Variants in RNMT observed in about 807,000 individuals in gnomAD.
RNMT encodes the protein RNA guanine-7 methyltransferase, also known as mRNA cap guanine-N(7) methyltransferase.
In RNMT, 27 loss-of-function variants were observed where a neutral mutation model predicts 56.0. The observed-to-expected ratio is 0.48, with a 90% CI of 0.36 to 0.67. The LOEUF (loss-of-function observed/expected upper bound fraction) is 0.67, where lower values mean the gene tolerates loss of function less well. Among genes scored for constraint, RNMT ranks in the 30% least tolerant of loss-of-function variants. The pLI is 0.00. For synonymous variants in RNMT, 184 were observed against 176.2 expected (o/e 1.04, Z -0.35); for missense variants, 519 against 552.1 (o/e 0.94, Z 0.60).
At chr18:13,742,813 A>C (rs757961558) in intron 8 of RNMT, 161 bp downstream of exon 8, 6 of 549,766 alleles carry the variant, frequency 1.1e-5, no homozygotes, top group Non-Finnish European at 1.8e-5. Flanking sequence ...AAAACAAAAC[A>C]AGACTAGCTT....
intron 1 of RNMT, among the ~76,000 whole-genome samples, chr18:13,727,947 T>C (rs2043990663): frequency 6.6e-6 from 1 of 152,372 alleles, no homozygotes; most frequent in Non-Finnish European, 1.5e-5. Flanking sequence ...ATGACTAATA[T>C]TCCATTGTGT....
intron 3 of RNMT, among the ~76,000 whole-genome samples, chr18:13,732,578 G>A (rs2149083132): frequency 6.6e-6 from 1 of 152,232 alleles, no homozygotes; most frequent in South Asian, 2.1e-4. Context: ...TCATCTGGAA[G>A]TACCACATTA....
chr18:13,743,310 G>A (rs1380747777), intron 8 of RNMT, among the ~76,000 whole-genome samples: 22 of 119,532 alleles, frequency 1.8e-4, no homozygotes, highest in African/African-American at 6.6e-4. Context: ...GCGACAGAGC[G>A]AAACTCCGTC....
At chr18:13,742,965 G>T in intron 8 of RNMT, 1 of 175,934 alleles carries the variant, frequency 5.7e-6, no homozygotes, top group Non-Finnish European at 1.2e-5. Flanking sequence ...ACTGCAAATA[G>T]CAAAAGTTTT....
In RNMT at chr18:13,741,745, A is replaced by G. The variant is rs1314585800; in HGVS notation, c.974+54A>G. On this transcript the variant is annotated intron_variant, in intron 7 of 11. Coordinates refer to ENST00000383314, the MANE Select transcript of RNMT (RefSeq NM_003799.3). ...ATAAAATATTCAGTATTAAGTAGCA[A>G]ATGTTTATCAGAGGTAGATTTTATT... 9.7e-6 allele frequency: 11 copies of G among 1,128,250 alleles called. No homozygotes were observed. In the East Asian group the frequency reaches 2.0e-4, roughly 21 times the overall value. 69.9% of individuals were successfully genotyped at this position (1,128,250 alleles called of 1,614,324 possible).
At chr18:13,739,273 C>T (rs77084332) in intron 5 of RNMT, among the ~76,000 whole-genome samples, 7 of 152,150 alleles carry the variant, frequency 4.6e-5, no homozygotes, top group Non-Finnish European at 7.4e-5. Context: ...CATCACACAA[C>T]ATTTTAAAAA....
At chr18:13,740,818 T>C (rs1043389043) in intron 6 of RNMT, among the ~76,000 whole-genome samples, 2 of 152,268 alleles carry the variant, frequency 1.3e-5, no homozygotes, top group African/African-American at 4.8e-5. Flanking sequence ...GAATTGAAAT[T>C]AGCTGTTGCT....
At position 13,761,538 on chromosome 18, in the gene RNMT, T is replaced by G; in HGVS notation, c.*1559T>G. Reference sequence around the variant, plus strand: ...CAGGTAATAATAATACATGTACTTTTAGCCTGAAACCTCTTCCACGCCATG... The same window carrying G: ...CAGGTAATAATAATACATGTACTTTGAGCCTGAAACCTCTTCCACGCCATG... On this transcript the variant is annotated 3_prime_UTR_variant, in exon 12 of 12. Transcript: ENST00000383314. 1 of 992,582 alleles carries G rather than the reference T, an allele frequency of 1.0e-6. No homozygotes were observed. The allele number at this position is 992,582 out of a possible 1,614,324, so 61.5% of individuals were successfully genotyped here. A position where few individuals can be genotyped will look rare whatever the true frequency, so the allele number is the denominator to read the frequency against.
chr18:13,737,336 G>A (rs1453654576), intron 5 of RNMT, among the ~76,000 whole-genome samples: 1 of 152,126 alleles, frequency 6.6e-6, no homozygotes, highest in Non-Finnish European at 1.5e-5. Flanking sequence ...GAGGTCAGGA[G>A]TTTGAGACCG....
chr18:13,749,482 T>A (rs1308350638), intron 9 of RNMT, among the ~76,000 whole-genome samples: 1 of 152,160 alleles, frequency 6.6e-6, no homozygotes, highest in African/African-American at 2.4e-5. Flanking sequence ...TGCAGGATGT[T>A]TATAAAGAAA....
chr18:13,733,174 G>A (rs940319497), intron 3 of RNMT, among the ~76,000 whole-genome samples: 15 of 152,122 alleles, frequency 9.9e-5, no homozygotes, highest in Non-Finnish European at 1.9e-4. Context: ...GGATTTGTTT[G>A]AAAGGCCTTT....
rs2044638464 is a variant in RNMT, at chr18:13,763,035, T to C, written c.*3056T>C. On this transcript the variant is annotated 3_prime_UTR_variant, in exon 12 of 12. Coordinates refer to ENST00000383314, the MANE Select transcript of RNMT (RefSeq NM_003799.3). ...GTCACCACAGAGGGTCTCTAGGGTC[T>C]GCAAAATAGAGGCCAAATCCAGGGA... 1 of 455,926 alleles carries C rather than the reference T, an allele frequency of 2.2e-6. No individual in the cohort carries two copies. The highest frequency in any genetic ancestry group is 4.4e-6 in the Non-Finnish European group (1 of 226,712). The allele number at this position is 455,926 out of a possible 1,614,324, so 28.2% of individuals were successfully genotyped here. A position where few individuals can be genotyped will look rare whatever the true frequency, so the allele number is the denominator to read the frequency against.
At chr18:13,734,948 T>G (rs2044134263) in intron 4 of RNMT, among the ~76,000 whole-genome samples, 1 of 152,204 alleles carries the variant, frequency 6.6e-6, no homozygotes, top group Non-Finnish European at 1.5e-5. Flanking sequence ...CTTCAATTAG[T>G]TGATAAAGAT....
intron 8 of RNMT, among the ~76,000 whole-genome samples, chr18:13,743,922 T>C (rs761229635): frequency 6.6e-6 from 1 of 151,946 alleles, no homozygotes; most frequent in Non-Finnish European, 1.5e-5. Context: ...ATATAAACCA[T>C]TTACAAAATT....
At chr18:13,759,858 T>G in intron 11 of RNMT, 84 bp from the exon 12 acceptor site, 3 of 1,264,374 alleles carry the variant, frequency 2.4e-6, no homozygotes, top group Non-Finnish European at 2.3e-6. Flanking sequence ...AGCCTAAGAA[T>G]TTTCACCAAA....
At chr18:13,738,299 TAAC>T (rs2044198211) in intron 5 of RNMT, among the ~76,000 whole-genome samples, 1 of 152,180 alleles carries the variant, frequency 6.6e-6, no homozygotes, top group Non-Finnish European at 1.5e-5. Flanking sequence ...TCATTAAAAG[TAAC>T]AAGGCTGGCT....
intron 5 of RNMT, among the ~76,000 whole-genome samples, chr18:13,739,576 A>G (rs911738827): frequency 6.6e-5 from 10 of 152,216 alleles, no homozygotes; most frequent in Admixed American, 2.6e-4. Flanking sequence ...TGAGGCCAGA[A>G]GTTAGAGACC....
At chr18:13,737,864 T>G (rs1053627629) in intron 5 of RNMT, among the ~76,000 whole-genome samples, 1 of 152,046 alleles carries the variant, frequency 6.6e-6, no homozygotes, top group African/African-American at 2.4e-5. Flanking sequence ...AGTTCCTTTT[T>G]TTTTTCAATC....
At chr18:13,751,770 A>G (rs567391572) in intron 9 of RNMT, among the ~76,000 whole-genome samples, 8 of 152,250 alleles carry the variant, frequency 5.3e-5, no homozygotes, top group Non-Finnish European at 1.2e-4. Flanking sequence ...CATATACACC[A>G]TGGAATACTA....
Sources: allele counts gnomAD v4.1 joint callset (sites outside exome capture counted in the v4.1 genomes callset), GRCh38; gene constraint gnomAD v4.1.1; transcripts MANE v1.5; gene names NCBI Gene and HGNC (gene_info 2026-07-23, HGNC 2026-07-21).